Variants in DHTKD1 observed in about 807,000 individuals in gnomAD.
The protein encoded by DHTKD1 is 2-oxoadipate dehydrogenase complex component E1.
In DHTKD1, 78 loss-of-function variants were observed where a neutral mutation model predicts 101.8. The observed-to-expected ratio is 0.77, with a 90% CI of 0.64 to 0.93. The LOEUF is 0.93. Among genes scored for constraint, DHTKD1 ranks in the 40% least tolerant of loss-of-function variants. The probability of loss-of-function intolerance (pLI) is 0.00; values close to 1 mark genes in which losing one functional copy is unlikely to be tolerated. For synonymous variants in DHTKD1, 462 were observed against 450.3 expected, an observed-to-expected ratio of 1.03 and a Z score of -0.33; for missense variants, 1,223 against 1,161.7, an observed-to-expected ratio of 1.05 and a Z score of -0.77.
At chr10:12,112,857 AT>A in intron 12 of DHTKD1, 42 bp from the exon 13 acceptor site, 1 of 1,546,842 alleles carries the variant, frequency 6.5e-7, no homozygotes, top group Non-Finnish European at 8.7e-7. Flanking sequence ...ACTGAAATAG[AT>A]GATCTGAACA....
intron 3 of DHTKD1, among the ~76,000 whole-genome samples, chr10:12,086,454 C>G (rs1035638057): frequency 6.6e-6 from 1 of 151,446 alleles, no homozygotes; most frequent in African/African-American, 2.4e-5. Context: ...CTCCTGACCT[C>G]GTGATTCACT....
chr10:12,092,979 G>T (rs1833014302), intron 6 of DHTKD1, among the ~76,000 whole-genome samples: 1 of 151,732 alleles, frequency 6.6e-6, no homozygotes, highest in Non-Finnish European at 1.5e-5. Flanking sequence ...CCTGGCTCAA[G>T]AGATCCTCCC....
chr10:12,107,997 A>G lies in DHTKD1; in HGVS notation c.2136A>G (p.Arg712=). The G allele has an allele frequency of 6.2e-7, 1 of 1,613,792 alleles. No homozygotes were observed. The highest frequency in any genetic ancestry group is 8.5e-7 in the Non-Finnish European group (1 of 1,179,722). ...DGAGPDHSSC[R]IERFLQMCDS... ...CTGGGCCAGACCACTCATCCTGTCG[A>G]ATAGAGCGTTTCCTGCAGGTAAGGG... The change falls in exon 12 of 17, where the codon CGA becomes CGG. Residue 712 remains arginine (R), a synonymous_variant. Transcript: ENST00000263035. This position sits in a 1 kb window ranked among gnomAD's most constrained non-coding sequence, Gnocchi z 4.1.
At chr10:12,108,128 G>A in intron 12 of DHTKD1, 113 bp downstream of exon 12, 2 of 698,212 alleles carry the variant, frequency 2.9e-6, no homozygotes, top group South Asian at 1.9e-5. Context: ...TAGTATTTGA[G>A]TGAAACAGAT....
At chr10:12,106,435 CCT>C in intron 11 of DHTKD1, 39 bp downstream of exon 11, 3 of 1,608,334 alleles carry the variant, frequency 1.9e-6, no homozygotes, top group Non-Finnish European at 2.6e-6. Context: ...GGTGGGGGTC[CCT>C]GCGTGGCCCC....
chr10:12,084,496 A>T, intron 2 of DHTKD1, 44 bp from the exon 3 acceptor site: 1 of 1,246,044 alleles, frequency 8.0e-7, no homozygotes, highest in Non-Finnish European at 1.2e-6. Context: ...ATGTTAAGGA[A>T]CATGATTATT....
chr10:12,080,248 C>T lies in DHTKD1; in HGVS notation c.155-1224C>T, dbSNP rs376555465. 4.7e-4 allele frequency among the ~76,000 whole-genome samples: 70 copies of T among 149,714 alleles called. 2 individuals carry two copies. The South Asian group carries it at 0.013, about 28-fold the overall frequency. ...CCGGGAGGTGGAGCTTGCAGTGAGC[C>T]AGGATCACGCCACTGCACTCCAGGC... On this transcript the variant is annotated intron_variant, in intron 1 of 16. Coordinates refer to ENST00000263035, the MANE Select transcript of DHTKD1 (RefSeq NM_018706.7).
In DHTKD1 at chr10:12,084,599, C is replaced by A; in HGVS notation, c.370C>A (p.Gln124Lys). ...SLEEVLVYLN[Q>K]IYCGQISIET... Reference sequence around the variant, plus strand: ...TGAGGAAGTGTTAGTCTATCTCAATCAAATCTACTGTGGGCAGATTTCTAT... The same window carrying A: ...TGAGGAAGTGTTAGTCTATCTCAATAAAATCTACTGTGGGCAGATTTCTAT... The change falls in exon 3 of 17, where the codon CAA becomes AAA. Residue 124 changes from glutamine (Q) to lysine (K), a missense_variant. Physicochemically the swap from Gln to Lys is moderately conservative, Grantham distance 53. Transcript: ENST00000263035. The A allele has an allele frequency of 6.2e-7, 1 of 1,613,574 alleles. No homozygotes were observed. The highest frequency in any genetic ancestry group is 1.1e-5 in the South Asian group (1 of 91,062).
intron 2 of DHTKD1, among the ~76,000 whole-genome samples, chr10:12,083,420 C>T (rs949908122): frequency 6.6e-6 from 1 of 152,116 alleles, no homozygotes; most frequent in Non-Finnish European, 1.5e-5. Flanking sequence ...GTGGGTTGGA[C>T]AAGCTTGCTA....
rs776497952 is a variant in DHTKD1 at position 12,117,722 on chromosome 10, C to A, written c.2369C>A (p.Pro790Gln). The change falls in exon 14 of 17, where the codon CCG becomes CAG. Residue 790 changes from proline (P) to glutamine (Q), a missense_variant. Transcript: ENST00000263035. ...ATGGCACCAGGAACAACATTTAACC[C>A]GGTCATTGGTGATTCATCTGTGGAT... ...QEMAPGTTFN[P>Q]VIGDSSVDPK... The A allele has an allele frequency of 6.2e-7, 1 of 1,605,442 alleles. No homozygotes were observed. Among genetic ancestry groups the A allele is most frequent in the Non-Finnish European group, 8.5e-7 (1 of 1,175,208 alleles).
At chr10:12,116,574 A>G (rs1833421391) in intron 13 of DHTKD1, among the ~76,000 whole-genome samples, 1 of 151,618 alleles carries the variant, frequency 6.6e-6, no homozygotes, top group African/African-American at 2.4e-5. Flanking sequence ...TAATTTTAGT[A>G]GAGACGGGGT....
At chr10:12,101,217 G>A in intron 10 of DHTKD1, 36 bp downstream of exon 10, 2 of 1,590,296 alleles carry the variant, frequency 1.3e-6, no homozygotes, top group Non-Finnish European at 1.7e-6. Context: ...AAATCCAGGT[G>A]CCAACGATTA....
intron 7 of DHTKD1, among the ~76,000 whole-genome samples, chr10:12,096,210 C>G (rs1169722254): frequency 6.6e-6 from 1 of 151,946 alleles, no homozygotes; most frequent in Non-Finnish European, 1.5e-5. Flanking sequence ...AAAATAGATT[C>G]CCCTCCTCCA....
intron 1 of DHTKD1, among the ~76,000 whole-genome samples, chr10:12,072,907 T>C (rs759607749): frequency 5.3e-5 from 8 of 151,780 alleles, no homozygotes; most frequent in Non-Finnish European, 1.0e-4. Context: ...TGGCTAATTT[T>C]GTATTTTTAG....
intron 8 of DHTKD1, 30 bp downstream of exon 8, chr10:12,098,026 C>T (rs751712222): frequency 1.3e-6 from 2 of 1,561,936 alleles, no homozygotes; most frequent in Admixed American, 1.9e-5. Flanking sequence ...CTGGTTATTG[C>T]TTCTCCTTCC....
chr10:12,100,287 G>GTTTTTTTTTTTGTT, intron 9 of DHTKD1, 25 bp downstream of exon 9: 10 of 269,850 alleles, frequency 3.7e-5, no homozygotes, highest in Non-Finnish European at 4.3e-5. Context: ...TTTTTTTTCT[G>GTTTTTTTTTTTGTT]TTTTTTTTTT....
intron 10 of DHTKD1, 35 bp from the exon 11 acceptor site, chr10:12,106,211 C>T (rs374544244): frequency 1.2e-4 from 199 of 1,613,208 alleles, no homozygotes; most frequent in Non-Finnish European, 1.5e-4. Flanking sequence ...CCGTGGCCCT[C>T]ACATGCAGCG....
chr10:12,089,029 A>G lies in DHTKD1; in HGVS notation c.761A>G (p.Asn254Ser), dbSNP rs761570353. Residue 254 changes from asparagine to serine, a missense_variant, in exon 5 of 17, where the codon AAT (asparagine) becomes AGT (serine). Asn to Ser is a conservative substitution (Grantham distance 46). Coordinates refer to ENST00000263035, the MANE Select transcript of DHTKD1 (RefSeq NM_018706.7). Reference protein sequence around the residue: ...KMRGLSEFPENFSATGDVLSH... With the variant: ...KMRGLSEFPESFSATGDVLSH... ...CGAGGCTTAAGTGAATTTCCAGAGAATTTCTCAGCCACTGGAGACGTCCTG... is the reference window on the plus strand; with the variant it reads ...CGAGGCTTAAGTGAATTTCCAGAGAGTTTCTCAGCCACTGGAGACGTCCTG... 4 of 1,613,996 alleles carry G rather than the reference A, an allele frequency of 2.5e-6. No individual in the cohort carries two copies. The highest frequency in any genetic ancestry group is 3.3e-5 in the Admixed American group (2 of 59,986).
At chr10:12,097,082 G>A (rs1245503323) in intron 7 of DHTKD1, among the ~76,000 whole-genome samples, 7 of 151,950 alleles carry the variant, frequency 4.6e-5, no homozygotes, top group African/African-American at 1.4e-4. Flanking sequence ...ATTTAACATT[G>A]TTTATTTATT....
Sources: allele counts gnomAD v4.1 joint callset (sites outside exome capture counted in the v4.1 genomes callset), GRCh38; gene constraint gnomAD v4.1.1; non-coding constraint Gnocchi (gnomAD v3.1); transcripts MANE v1.5; gene names NCBI Gene and HGNC (gene_info 2026-07-23, HGNC 2026-07-21).